CNKSR2: variants seen among roughly 807,000 people sequenced by gnomAD.
CNKSR2 encodes the protein connector enhancer of kinase suppressor of Ras 2.
In CNKSR2, 14 loss-of-function variants were observed where a neutral mutation model predicts 84.4. The ratio of observed to expected loss-of-function variants is 0.17; its 90% confidence interval spans 0.11 to 0.26. The LOEUF (loss-of-function observed/expected upper bound fraction) is 0.26. Ranked by LOEUF, CNKSR2 falls within the 10% of genes least tolerant of loss-of-function variation. The probability of loss-of-function intolerance (pLI) is 1.00; values close to 1 mark genes in which losing one functional copy is unlikely to be tolerated. For synonymous variants in CNKSR2, 275 were observed against 277.9 expected, an observed-to-expected ratio of 0.99 and a Z score of 0.10; for missense variants, 485 against 771.2, an observed-to-expected ratio of 0.63 and a Z score of 4.40.
chrX:21,436,731 G>T (rs905684409), intron 3 of CNKSR2, among the ~76,000 whole-genome samples: 2 of 111,067 alleles, frequency 1.8e-5, no homozygotes, highest in Non-Finnish European at 3.8e-5. Context: ...GTGTGTGTAT[G>T]TGCATGCATG....
chrX:21,413,920 A>G (rs768876907), intron 1 of CNKSR2, among the ~76,000 whole-genome samples: 2 of 111,186 alleles, frequency 1.8e-5, no homozygotes, highest in African/African-American at 6.5e-5. Context: ...CAGAACTGCA[A>G]CAAATCCCTA....
chrX:21,528,904 C>A (rs1284918413), intron 10 of CNKSR2, among the ~76,000 whole-genome samples: 1 of 111,183 alleles, frequency 9.0e-6, no homozygotes, highest in Non-Finnish European at 1.9e-5. Context: ...TCTGCATTTT[C>A]TGGCTTGATT....
At chrX:21,601,863 G>T (rs762187915) in intron 18 of CNKSR2, among the ~76,000 whole-genome samples, 5 of 112,034 alleles carry the variant, frequency 4.5e-5, no homozygotes, top group Admixed American at 9.4e-5. Context: ...GTGCAGAATT[G>T]AAATCTTAAG....
intron 5 of CNKSR2, among the ~76,000 whole-genome samples, chrX:21,471,089 A>G (rs1222266901): frequency 8.9e-6 from 1 of 111,757 alleles, no homozygotes; most frequent in Non-Finnish European, 1.9e-5. Context: ...TTGAAATGAG[A>G]ATTTCTTTTA....
intron 11 of CNKSR2, among the ~76,000 whole-genome samples, chrX:21,550,485 C>T (rs2092076694): frequency 8.9e-6 from 1 of 112,156 alleles, no homozygotes. Context: ...TAAATTAGTT[C>T]AACCATTGTG....
intron 20 of CNKSR2, among the ~76,000 whole-genome samples, chrX:21,637,710 A>G (rs2092678267): frequency 8.9e-6 from 1 of 111,762 alleles, no homozygotes; most frequent in Non-Finnish European, 1.9e-5. Flanking sequence ...CAATACTTAC[A>G]TAGAGAAAAG....
chrX:21,571,267 G>T (rs2092281986), intron 13 of CNKSR2, among the ~76,000 whole-genome samples: 1 of 112,083 alleles, frequency 8.9e-6, no homozygotes, highest in Non-Finnish European at 1.9e-5. Flanking sequence ...TAAATATTGT[G>T]AGAATTACCA....
intron 1 of CNKSR2, among the ~76,000 whole-genome samples, chrX:21,377,107 A>G (rs1015829800): frequency 8.9e-6 from 1 of 112,191 alleles, no homozygotes; most frequent in Non-Finnish European, 1.9e-5. Context: ...CTATTTGAAA[A>G]GATCAATTGG....
At chrX:21,519,745 T>C (rs1053448126) in intron 9 of CNKSR2, among the ~76,000 whole-genome samples, 1 of 111,364 alleles carries the variant, frequency 9.0e-6, no homozygotes, top group South Asian at 3.7e-4. Context: ...TTTAACCTTT[T>C]TGAAAATACT....
chrX:21,388,129 G>A (rs1438920953), intron 1 of CNKSR2, among the ~76,000 whole-genome samples: 2 of 111,308 alleles, frequency 1.8e-5, no homozygotes, highest in African/African-American at 3.3e-5. Flanking sequence ...TCGATCTCCT[G>A]ACCTCGTGAT....
At chrX:21,386,376 G>A (rs1409963582) in intron 1 of CNKSR2, among the ~76,000 whole-genome samples, 3 of 111,731 alleles carry the variant, frequency 2.7e-5, no homozygotes, top group East Asian at 2.8e-4. Flanking sequence ...AGTGAATCAC[G>A]AAAGCAATTT....
At chrX:21,447,489 A>G (rs759411526) in intron 4 of CNKSR2, among the ~76,000 whole-genome samples, 1 of 111,570 alleles carries the variant, frequency 9.0e-6, no homozygotes, top group South Asian at 3.7e-4. Flanking sequence ...AGACCCTAAG[A>G]AGAGGTAACT....
chrX:21,549,813 T>C (rs150562786), intron 11 of CNKSR2, among the ~76,000 whole-genome samples: 6,175 of 111,951 alleles, frequency 0.055, 407 homozygotes, highest in African/African-American at 0.18. Context: ...AAACAAGCAA[T>C]GGGGAAAGGA....
At chrX:21,471,179 GA>G (rs1479339296) in intron 5 of CNKSR2, among the ~76,000 whole-genome samples, 2 of 111,599 alleles carry the variant, frequency 1.8e-5, no homozygotes, top group Non-Finnish European at 3.8e-5. Context: ...TCATTTGGAT[GA>G]AATACTTTAT....
rs761419381 is a variant in CNKSR2, at chrX:21,646,385, G to C, written c.2693-2446G>C. On this transcript the variant is annotated intron_variant, in intron 20 of 21. Coordinates refer to ENST00000379510, the MANE Select transcript of CNKSR2 (RefSeq NM_014927.5). ...GGGGGAGAAACTTTCAGTTTTTATT[G>C]TTTAATACCTATGTATGTCATTTTA... 1.6e-4 allele frequency among the ~76,000 whole-genome samples: 18 copies of C among 111,506 alleles called. No individual in the cohort carries two copies. The East Asian group carries it at 2.8e-3, about 17-fold the overall frequency.
chrX:21,504,698 A>G (rs2091594976), intron 8 of CNKSR2: 1 of 290,362 alleles, frequency 3.4e-6, no homozygotes, highest in Admixed American at 6.2e-5. Context: ...CTATGTTTCT[A>G]GTTTGCTCCT....
intron 1 of CNKSR2, among the ~76,000 whole-genome samples, chrX:21,389,621 C>G (rs1273238919): frequency 8.9e-6 from 1 of 111,756 alleles, no homozygotes; most frequent in Non-Finnish European, 1.9e-5. Context: ...TAGAGTTGTT[C>G]TTCACTATGT....
intron 11 of CNKSR2, chrX:21,537,872 C>G (rs1213356635): frequency 9.4e-6 from 1 of 106,233 alleles, no homozygotes; most frequent in African/African-American, 3.4e-5. Context: ...AGGGTTGTTA[C>G]TGATAGGTGA....
Position 21,466,253 on chromosome X carries a change from A to G in CNKSR2, c.520-4513A>G, listed in dbSNP as rs776581623. Among the ~76,000 whole-genome samples the G allele has an allele frequency of 3.6e-5, 4 of 111,657 alleles. No individual in the cohort carries two copies. The Admixed American group carries it at 3.8e-4, about 11-fold the overall frequency. Reference sequence around the variant, plus strand: ...TGTCAGAGGTGTACCTTTCCACAGCATGAATAGGTTTGTAAAGTATAGATT... The same window carrying G: ...TGTCAGAGGTGTACCTTTCCACAGCGTGAATAGGTTTGTAAAGTATAGATT... On this transcript the variant is annotated intron_variant, in intron 4 of 21. Coordinates refer to ENST00000379510, the MANE Select transcript of CNKSR2 (RefSeq NM_014927.5).
Sources: allele counts gnomAD v4.1 joint callset (sites outside exome capture counted in the v4.1 genomes callset), GRCh38; gene constraint gnomAD v4.1.1; transcripts MANE v1.5; gene names NCBI Gene and HGNC (gene_info 2026-07-23, HGNC 2026-07-21).